NUBPL: variants seen among roughly 807,000 people sequenced by gnomAD.
The protein encoded by NUBPL is iron-sulfur cluster transfer protein NUBPL.
Under a neutral mutation model 45.7 loss-of-function variants are expected in NUBPL, and 31 were observed. The ratio of observed to expected loss-of-function variants is 0.68; its 90% confidence interval spans 0.51 to 0.92. NUBPL has a LOEUF of 0.92. Among genes scored for constraint, NUBPL ranks in the 40% least tolerant of loss-of-function variants. The pLI is 0.00. For missense variants in NUBPL, 401 were observed against 398.7 expected, an observed-to-expected ratio of 1.01 and a Z score of -0.05; for synonymous variants, 144 against 140.9, an observed-to-expected ratio of 1.02 and a Z score of -0.15.
At chr14:31,837,922 G>C (rs2040307583) in intron 8 of NUBPL, among the ~76,000 whole-genome samples, 1 of 152,154 alleles carries the variant, frequency 6.6e-6, no homozygotes, top group Admixed American at 6.6e-5. Context: ...TCCTTTCACT[G>C]TCTCTGAACA....
intron 4 of NUBPL, among the ~76,000 whole-genome samples, chr14:31,637,688 A>G (rs2035547510): frequency 6.6e-6 from 1 of 152,034 alleles, no homozygotes; most frequent in South Asian, 2.1e-4. Flanking sequence ...TGACAGTGGG[A>G]AGTTAGAGTC....
chr14:31,596,034 G>T (rs1027404775), intron 3 of NUBPL, among the ~76,000 whole-genome samples: 1 of 151,534 alleles, frequency 6.6e-6, no homozygotes, highest in Non-Finnish European at 1.5e-5. Context: ...AGCCTCCCGA[G>T]TAGCTGGGAC....
At chr14:31,586,496 C>A (rs1566429493) in intron 3 of NUBPL, among the ~76,000 whole-genome samples, 1 of 152,180 alleles carries the variant, frequency 6.6e-6, no homozygotes. Flanking sequence ...AGTAGCTCAA[C>A]TAGAAAGTAG....
At chr14:31,712,657 G>A (rs976547715) in intron 6 of NUBPL, among the ~76,000 whole-genome samples, 2 of 152,394 alleles carry the variant, frequency 1.3e-5, no homozygotes, top group South Asian at 4.1e-4. Context: ...CACCAAGAGT[G>A]AGTGAGGGCT....
At chr14:31,615,981 G>A (rs575232919) in intron 4 of NUBPL, among the ~76,000 whole-genome samples, 7 of 152,192 alleles carry the variant, frequency 4.6e-5, no homozygotes, top group African/African-American at 1.4e-4. Context: ...TTAAATGATC[G>A]CCATTCTAAC....
chr14:31,778,349 T>C (rs1440592671), intron 6 of NUBPL, among the ~76,000 whole-genome samples: 1 of 152,030 alleles, frequency 6.6e-6, no homozygotes, highest in African/African-American at 2.4e-5. Flanking sequence ...AACAATGTGG[T>C]TTCTCCTGAC....
intron 3 of NUBPL, among the ~76,000 whole-genome samples, chr14:31,588,617 TA>T (rs1448519969): frequency 6.6e-6 from 1 of 151,946 alleles, no homozygotes; most frequent in Non-Finnish European, 1.5e-5. Flanking sequence ...TTTAAATCCT[TA>T]AAAATAGTAA....
intron 3 of NUBPL, among the ~76,000 whole-genome samples, chr14:31,594,443 C>T (rs943321305): frequency 2.0e-5 from 3 of 152,140 alleles, no homozygotes; most frequent in Admixed American, 6.5e-5. Context: ...TGCCATTTAT[C>T]TTGCATTTCT....
chr14:31,580,605 C>T (rs552535454), intron 3 of NUBPL, among the ~76,000 whole-genome samples: 3 of 152,178 alleles, frequency 2.0e-5, no homozygotes, highest in South Asian at 4.1e-4. Context: ...CAGAGTGAGA[C>T]CCCCATCTCT....
At chr14:31,704,113 G>C (rs560610425) in intron 6 of NUBPL, among the ~76,000 whole-genome samples, 102 of 152,268 alleles carry the variant, frequency 6.7e-4, no homozygotes, top group African/African-American at 2.4e-3. Context: ...ACTGCTTTCT[G>C]CTGACAGAGG....
At chr14:31,603,023 G>C (rs1315223765) in intron 4 of NUBPL, among the ~76,000 whole-genome samples, 1 of 152,026 alleles carries the variant, frequency 6.6e-6, no homozygotes, top group East Asian at 1.9e-4. Flanking sequence ...ATCAAAAAAT[G>C]AATTGGCTTG....
intron 4 of NUBPL, among the ~76,000 whole-genome samples, chr14:31,646,677 T>C (rs1388862507): frequency 1.3e-5 from 2 of 152,158 alleles, no homozygotes; most frequent in Non-Finnish European, 2.9e-5. Flanking sequence ...GATTATTATA[T>C]GCCTTAGGGT....
intron 4 of NUBPL, among the ~76,000 whole-genome samples, chr14:31,638,635 T>C (rs2035582382): frequency 6.6e-6 from 1 of 152,226 alleles, no homozygotes; most frequent in East Asian, 1.9e-4. Context: ...AATGTTGGCC[T>C]GCCTTGCTAG....
chr14:31,737,930 T>C (rs913632848), intron 6 of NUBPL, among the ~76,000 whole-genome samples: 2 of 152,228 alleles, frequency 1.3e-5, no homozygotes, highest in Non-Finnish European at 2.9e-5. Flanking sequence ...ATTTATTCTT[T>C]CTTTGGAAAT....
chr14:31,840,874 A>C (rs1297982153), intron 8 of NUBPL, among the ~76,000 whole-genome samples: 7 of 152,334 alleles, frequency 4.6e-5, no homozygotes, highest in Admixed American at 2.6e-4. Context: ...CACTACCCCA[A>C]AATGGAACCC....
At chr14:31,665,008 C>T (rs907401645) in intron 4 of NUBPL, among the ~76,000 whole-genome samples, 5 of 152,072 alleles carry the variant, frequency 3.3e-5, no homozygotes, top group East Asian at 1.9e-4. Context: ...AGTTGATTTG[C>T]GTAGAGGTGT....
At chr14:31,623,251 G>T (rs1390694219) in intron 4 of NUBPL, among the ~76,000 whole-genome samples, 1 of 152,204 alleles carries the variant, frequency 6.6e-6, no homozygotes, top group Non-Finnish European at 1.5e-5. Context: ...TACCCCCATT[G>T]TATCTTGCAA....
chr14:31,713,314 T>C (rs1353656911), intron 6 of NUBPL, among the ~76,000 whole-genome samples: 1 of 152,208 alleles, frequency 6.6e-6, no homozygotes, highest in Non-Finnish European at 1.5e-5. Flanking sequence ...TAGTTTTTCG[T>C]CTTTGAGTTC....
intron 6 of NUBPL, among the ~76,000 whole-genome samples, chr14:31,760,264 C>T (rs1293941092): frequency 6.6e-6 from 1 of 151,360 alleles, no homozygotes; most frequent in Non-Finnish European, 1.5e-5. Flanking sequence ...GGGCTTCCTC[C>T]CACCTTAGCC....
Sources: allele counts gnomAD v4.1 joint callset (sites outside exome capture counted in the v4.1 genomes callset), GRCh38; gene constraint gnomAD v4.1.1; transcripts MANE v1.5; gene names NCBI Gene and HGNC (gene_info 2026-07-23, HGNC 2026-07-21).